Variants in NOC2L observed in about 807,000 individuals in gnomAD.
NOC2L encodes the protein NOC2 like nucleolar associated transcriptional repressor.
Under a neutral mutation model 94.2 loss-of-function variants are expected in NOC2L, and 101 were observed. The ratio of observed to expected loss-of-function variants is 1.07; its 90% CI spans 0.91 to 1.26. NOC2L has a LOEUF of 1.26. Ranked by LOEUF, NOC2L falls within the 50% of genes most tolerant of loss-of-function variation. NOC2L has a pLI of 0.00. For synonymous variants in NOC2L, 531 were observed against 413.4 expected (o/e 1.28, Z -3.45); for missense variants, 1,076 against 980.1 (o/e 1.10, Z -1.31).
chr1:945,355 A>C, intron 17 of NOC2L, 163 bp downstream of exon 17: 2 of 988,272 alleles, frequency 2.0e-6, no homozygotes, highest in South Asian at 1.7e-5. Flanking sequence ...CAAGGAGGGA[A>C]GGCGCTGGCA....
At position 956,031 on chromosome 1, in the gene NOC2L, G is replaced by A. The variant is rs752627760; in HGVS notation, c.608-18C>T. 206 of 1,613,960 alleles carry A rather than the reference G, an allele frequency of 1.3e-4. No individual in the cohort carries two copies. The highest frequency in any genetic ancestry group is 1.7e-4 in the Non-Finnish European group (203 of 1,180,024). On this transcript the variant is annotated intron_variant, in intron 5 of 18. Transcript: ENST00000327044. Reference sequence around the variant, plus strand: ...ATTGAATGCTGCAACGAAAAGGCCTGGATGTACTCACGGGACAGAGAACGC... The same window carrying A: ...ATTGAATGCTGCAACGAAAAGGCCTAGATGTACTCACGGGACAGAGAACGC...
chr1:947,934 G>GC (rs1642161497), intron 14 of NOC2L, among the ~76,000 whole-genome samples, 197 bp downstream of exon 14: 1 of 151,974 alleles, frequency 6.6e-6, no homozygotes, highest in South Asian at 2.1e-4. Flanking sequence ...GCCCAGGCCT[G>GC]CCCCCAAACC....
Position 945,102 on chromosome 1 carries a change from C to G in NOC2L, c.2098G>C (p.Glu700Gln), listed in dbSNP as rs1289719031. The change falls in exon 18 of 19, where the codon GAA becomes CAA. Residue 700 changes from glutamate (E) to glutamine (Q), a missense_variant. By Grantham distance (29) the Glu-to-Gln change is conservative. Transcript: ENST00000327044. ...TCCTCGCCCTCCTCCTCGTCCTCTT[C>G]ATCGTCTTCCACCCCATGCCGAGTG... Reference protein sequence around the residue: ...LSTRHGVEDDEEDEEEGEEDS... With the variant: ...LSTRHGVEDDQEDEEEGEEDS... 6.2e-7 allele frequency: 1 copy of G among 1,613,752 alleles called. No individual in the cohort carries two copies. Among genetic ancestry groups the G allele is most frequent in the East Asian group, 2.2e-5 (1 of 44,868 alleles).
intron 2 of NOC2L, 80 bp from the exon 3 acceptor site, chr1:957,353 C>T (rs1642438877): frequency 1.4e-6 from 2 of 1,418,188 alleles, no homozygotes; most frequent in South Asian, 2.5e-5. Context: ...TCAGTCTACT[C>T]CCTTCACAAG....
Position 956,008 on chromosome 1 carries a change from T to C in NOC2L, c.613A>G (p.Asn205Asp), listed in dbSNP as rs746809344. 14 of 1,613,950 alleles carry C rather than the reference T, an allele frequency of 8.7e-6. No individual in the cohort carries two copies. The South Asian group carries it at 1.4e-4, about 16-fold the overall frequency. The part of the protein sequence containing the change: ...KFQVTDSAAF[N>D]ALVTFCIRDL... The stretch of plus-strand genomic sequence containing the variant: ...CTGATGCAGAAGGTAACCAGAGCAT[T>C]GAATGCTGCAACGAAAAGGCCTGGA... The change falls in exon 6 of 19, where the codon AAT (asparagine) becomes GAT (aspartate). Residue 205 changes from asparagine to aspartate, a missense_variant. Asn to Asp is a conservative substitution (Grantham distance 23). Transcript: ENST00000327044.
chr1:952,968 G>A (rs2100390163), intron 9 of NOC2L, among the ~76,000 whole-genome samples: 1 of 152,250 alleles, frequency 6.6e-6, no homozygotes, highest in Non-Finnish European at 1.5e-5. Context: ...GGGTCCAGGT[G>A]GGGCCCTGAG....
intron 2 of NOC2L, chr1:958,083 T>TTC (rs1642465319): frequency 9.3e-6 from 1 of 108,082 alleles, no homozygotes; most frequent in Non-Finnish European, 1.6e-5. Context: ...TTTTTTTTTC[T>TTC]CCTGAGGCGG....
rs763845464 is a variant in NOC2L at position 956,027 on chromosome 1, G to T, written c.608-14C>A. 1 of 1,614,038 alleles carries T rather than the reference G, an allele frequency of 6.2e-7. No individual in the cohort carries two copies. The highest frequency in any genetic ancestry group is 1.1e-5 in the South Asian group (1 of 91,076). On this transcript the variant is annotated splice_polypyrimidine_tract_variant and intron_variant, in intron 5 of 18. Coordinates refer to ENST00000327044, the MANE Select transcript of NOC2L (RefSeq NM_015658.4). ...GAGCATTGAATGCTGCAACGAAAAG[G>T]CCTGGATGTACTCACGGGACAGAGA...
chr1:956,360 A>G, intron 4 of NOC2L, 145 bp from the exon 5 acceptor site: 5 of 858,742 alleles, frequency 5.8e-6, no homozygotes, highest in Non-Finnish European at 8.8e-6. Context: ...CCCCATACTG[A>G]TAACAAAAAT....
At chr1:945,429 G>A (rs930311979) in intron 17 of NOC2L, 89 bp downstream of exon 17, 1 of 1,482,010 alleles carries the variant, frequency 6.7e-7, no homozygotes, top group Non-Finnish European at 9.2e-7. Context: ...CCCCCTGCAG[G>A]ATGGGTACAG....
chr1:946,150 C>A (rs1489801078), intron 16 of NOC2L, 23 bp downstream of exon 16: 2 of 1,544,110 alleles, frequency 1.3e-6, no homozygotes, highest in Non-Finnish European at 1.8e-6. Context: ...AACACACCCC[C>A]AGGTCCCCTC....
At chr1:944,992 C>T (rs1286682118) in intron 18 of NOC2L, 65 bp downstream of exon 18, 28 of 1,607,958 alleles carry the variant, frequency 1.7e-5, no homozygotes, top group East Asian at 2.2e-5. Flanking sequence ...CCCCCGCCCA[C>T]GTGGCTCTGC....
Position 944,351 on chromosome 1 carries a change from G to A in NOC2L, c.*343C>T, listed in dbSNP as rs566101256. The A allele has an allele frequency of 2.2e-5, 30 of 1,368,252 alleles. No homozygotes were observed. The Admixed American group carries it at 3.5e-4, about 16-fold the overall frequency. The allele number at this position is 1,368,252 out of a possible 1,614,324, so 84.8% of individuals were successfully genotyped here. ...AAGGCAGAGCCTGGTGCAGATGGAC[G>A]AGGTCTGCAGACGGAGGGCAGAGGT... On this transcript the variant is annotated 3_prime_UTR_variant, in exon 19 of 19. Transcript: ENST00000327044.
intron 6 of NOC2L, among the ~76,000 whole-genome samples, 180 bp downstream of exon 6, chr1:955,743 T>C (rs573706422): frequency 4.6e-5 from 7 of 152,316 alleles, no homozygotes; most frequent in Admixed American, 3.9e-4. Context: ...CCGCTCCAAC[T>C]GGCCCCAAGT....
intron 16 of NOC2L, 97 bp from the exon 17 acceptor site, chr1:945,750 T>A: frequency 6.7e-7 from 1 of 1,488,822 alleles, no homozygotes; most frequent in Non-Finnish European, 9.3e-7. Context: ...CAGGGCCCCA[T>A]GTGGCCAATT....
chr1:945,123 G>C lies in NOC2L; in HGVS notation c.2077C>G (p.Arg693Gly). Residue 693 changes from arginine (R) to glycine (G), a missense_variant, in exon 18 of 19, where the codon CGG (arginine) becomes GGG (glycine). By Grantham distance (125) the Arg-to-Gly change is moderately radical. Transcript: ENST00000327044. ...TCTTCATCGTCTTCCACCCCATGCC[G>C]AGTGCTCAGGGGCCTCAGTATCCCT... ...ERGILRPLST[R>G]HGVEDDEEDE... 6 of 1,611,572 alleles carry C rather than the reference G, an allele frequency of 3.7e-6. No individual in the cohort carries two copies. Among genetic ancestry groups the C allele is most frequent in the Non-Finnish European group, 5.1e-6 (6 of 1,178,784 alleles).
In NOC2L at chr1:952,352, G is replaced by A. The variant is rs551202485; in HGVS notation, c.1191+60C>T. 4.1e-4 allele frequency: 654 copies of A among 1,584,368 alleles called. 1 individual carries two copies. The African/African-American group carries it at 7.9e-3, about 19-fold the overall frequency. On this transcript the variant is annotated intron_variant, in intron 10 of 18. Coordinates refer to ENST00000327044, the MANE Select transcript of NOC2L (RefSeq NM_015658.4). ...GAGGCCCCAGGCCCTGCCTTGGGTC[G>A]GGCACCTGGGCTGCCCCACCCCATG...
intron 9 of NOC2L, among the ~76,000 whole-genome samples, 167 bp from the exon 10 acceptor site, chr1:952,767 C>T (rs1005739683): frequency 1.3e-5 from 2 of 152,180 alleles, no homozygotes; most frequent in Non-Finnish European, 2.9e-5. Flanking sequence ...CAGCCTCAGG[C>T]CTGGGAGAAG....
chr1:948,922 C>A, intron 12 of NOC2L, among the ~76,000 whole-genome samples: 1 of 152,226 alleles, frequency 6.6e-6, no homozygotes, highest in East Asian at 1.9e-4. Flanking sequence ...ACCTAGAGGT[C>A]CCTGCCACAC....
Sources: gnomAD v4.1 joint callset for allele counts (sites outside exome capture counted in the v4.1 genomes callset) on GRCh38, gnomAD v4.1.1 for gene constraint, MANE v1.5 for transcripts, NCBI Gene and HGNC (gene_info 2026-07-23, HGNC 2026-07-21) for gene names.